Variants in ARL15 observed in about 807,000 individuals in gnomAD.
ARL15 encodes the protein ADP-ribosylation factor-like protein 15.
ARL15 carries 19 observed loss-of-function variants against 25.2 expected under a neutral mutation model. That is an observed-to-expected ratio of 0.75 (90% confidence interval 0.53 to 1.10). ARL15 has a LOEUF of 1.10. Ranked by LOEUF, ARL15 falls within the 50% of genes least tolerant of loss-of-function variation. The probability of loss-of-function intolerance (pLI) is 0.00; values close to 1 mark genes in which losing one functional copy is unlikely to be tolerated. For missense variants in ARL15, 220 were observed against 246.0 expected (o/e 0.89, Z 0.71); for synonymous variants, 94 against 86.8 (o/e 1.08, Z -0.46).
intron 4 of ARL15, among the ~76,000 whole-genome samples, chr5:53,896,266 T>G (rs965144534): frequency 7.2e-5 from 11 of 152,186 alleles, no homozygotes; most frequent in Non-Finnish European, 2.9e-5. Flanking sequence ...ACTCCTGACC[T>G]CAAGTGATCT....
chr5:54,109,592 A>ACC (rs1426593654), intron 4 of ARL15, among the ~76,000 whole-genome samples: 2 of 152,008 alleles, frequency 1.3e-5, no homozygotes, highest in East Asian at 3.8e-4. Flanking sequence ...CTATTAAATA[A>ACC]CTTCAGAACT....
intron 4 of ARL15, among the ~76,000 whole-genome samples, chr5:53,974,392 T>G (rs1253903669): frequency 2.0e-5 from 3 of 152,244 alleles, no homozygotes; most frequent in Non-Finnish European, 4.4e-5. Context: ...TTAAATGTAA[T>G]CTATAAAACA....
At chr5:53,994,930 C>T (rs1469624243) in intron 4 of ARL15, among the ~76,000 whole-genome samples, 1 of 152,158 alleles carries the variant, frequency 6.6e-6, no homozygotes, top group African/African-American at 2.4e-5. Context: ...CCACCTCAGT[C>T]TCCCAAAGTA....
At chr5:53,947,166 G>A (rs1746767109) in intron 4 of ARL15, among the ~76,000 whole-genome samples, 1 of 93,536 alleles carries the variant, frequency 1.1e-5, no homozygotes, top group Non-Finnish European at 2.3e-5. Context: ...AAATAAATAA[G>A]GGTGTGTGTG....
rs1283129601 is a variant in ARL15, at chr5:54,048,659, T to C, written c.462+64543A>G. Reference sequence around the variant, plus strand: ...CTCAAGTGATCTGCCCACCTCAACCTCCCAAAAGTGCTGGGATTACAGGTG... The same window carrying C: ...CTCAAGTGATCTGCCCACCTCAACCCCCCAAAAGTGCTGGGATTACAGGTG... On this transcript the variant is annotated intron_variant, in intron 4 of 4. Transcript: ENST00000504924. 2.0e-5 allele frequency among the ~76,000 whole-genome samples: 3 copies of C among 151,766 alleles called. No homozygotes were observed. The East Asian group carries it at 5.8e-4, about 29-fold the overall frequency.
At chr5:54,149,926 T>TA (rs1754015325) in intron 3 of ARL15, among the ~76,000 whole-genome samples, 1 of 152,148 alleles carries the variant, frequency 6.6e-6, no homozygotes, top group South Asian at 2.1e-4. Context: ...CACGAAGTAA[T>TA]ACTATAAAAT....
chr5:54,205,929 A>G (rs1200266530), intron 1 of ARL15, among the ~76,000 whole-genome samples: 4 of 152,198 alleles, frequency 2.6e-5, no homozygotes, highest in African/African-American at 9.6e-5. Context: ...CTTAAAAAGT[A>G]TCTAGTGGAA....
intron 1 of ARL15, among the ~76,000 whole-genome samples, chr5:54,189,494 A>C (rs965506870): frequency 6.6e-6 from 1 of 152,202 alleles, no homozygotes; most frequent in African/African-American, 2.4e-5. Flanking sequence ...AAACCTTTGC[A>C]TATGTGGTCA....
intron 4 of ARL15, among the ~76,000 whole-genome samples, chr5:53,993,459 T>C (rs891181082): frequency 1.3e-5 from 2 of 152,136 alleles, no homozygotes; most frequent in Non-Finnish European, 2.9e-5. Flanking sequence ...AAAGAAGGAA[T>C]GATGAAGATA....
Position 53,910,633 on chromosome 5 carries a change from T to TTATATATATATATATA in ARL15, c.463-23936_463-23921dup, listed in dbSNP as rs70986649. Among the ~76,000 whole-genome samples the TTATATATATATATATA allele has an allele frequency of 2.6e-3, 145 of 54,910 alleles. 2 individuals carry two copies. Among genetic ancestry groups the TTATATATATATATATA allele is most frequent in the Middle Eastern group, 0.013 (1 of 80 alleles). The allele number at this position is 54,910 out of a possible 152,430, so 36.0% of individuals were successfully genotyped here. A position where few individuals can be genotyped will look rare whatever the true frequency, so the allele number is the denominator to read the frequency against. On this transcript the variant is annotated intron_variant, in intron 4 of 4. Coordinates refer to ENST00000504924, the MANE Select transcript of ARL15 (RefSeq NM_019087.3). ...GAACTTAAAGTATAATAAAAAAAAA[T>TTATATATATATATATA]TATATATATATATATATATATATAT...
At chr5:53,931,727 A>C (rs988348547) in intron 4 of ARL15, among the ~76,000 whole-genome samples, 5 of 152,214 alleles carry the variant, frequency 3.3e-5, no homozygotes, top group East Asian at 3.8e-4. Context: ...TACCCAACTA[A>C]AACCAAACAC....
intron 3 of ARL15, among the ~76,000 whole-genome samples, chr5:54,114,610 T>C (rs534660263): frequency 6.6e-6 from 1 of 152,102 alleles, no homozygotes; most frequent in East Asian, 1.9e-4. Context: ...ACTCTAGAGA[T>C]GATTTAGTCC....
chr5:53,979,526 T>C (rs933145743), intron 4 of ARL15, among the ~76,000 whole-genome samples: 12 of 152,050 alleles, frequency 7.9e-5, no homozygotes, highest in African/African-American at 2.9e-4. Flanking sequence ...GGCAACAGAA[T>C]AAGACCTTGT....
At chr5:54,010,719 T>A (rs12186486) in intron 4 of ARL15, among the ~76,000 whole-genome samples, 29,937 of 151,910 alleles carry the variant, frequency 0.2, 3,363 homozygotes, top group East Asian at 0.45. Context: ...AAAAAAATTT[T>A]AAAAAAATCA....
chr5:54,215,065 C>A (rs748098250), intron 1 of ARL15, among the ~76,000 whole-genome samples: 1 of 152,048 alleles, frequency 6.6e-6, no homozygotes, highest in Non-Finnish European at 1.5e-5. Context: ...CAGAGCAGAA[C>A]ATCCTTCTTA....
chr5:53,996,207 T>G (rs1357311348), intron 4 of ARL15, among the ~76,000 whole-genome samples: 3 of 152,162 alleles, frequency 2.0e-5, no homozygotes, highest in East Asian at 3.9e-4. Flanking sequence ...GCAAGGGAAA[T>G]CAGATTGCAG....
chr5:53,952,204 G>A (rs968324925), intron 4 of ARL15, among the ~76,000 whole-genome samples: 1 of 152,138 alleles, frequency 6.6e-6, no homozygotes, highest in African/African-American at 2.4e-5. Flanking sequence ...AGAGGTTGGA[G>A]TGAGTTGAGA....
chr5:53,948,869 C>T (rs923954281), intron 4 of ARL15, among the ~76,000 whole-genome samples: 5 of 152,154 alleles, frequency 3.3e-5, no homozygotes, highest in African/African-American at 1.2e-4. Flanking sequence ...AGACATGCTA[C>T]TGAAACATAA....
chr5:54,308,603 C>T (rs541451138), intron 1 of ARL15, among the ~76,000 whole-genome samples: 1 of 152,276 alleles, frequency 6.6e-6, no homozygotes, highest in South Asian at 2.1e-4. Context: ...TGACACAAAG[C>T]TGTTAGTAAA....
Sources: gnomAD v4.1 joint callset for allele counts (sites outside exome capture counted in the v4.1 genomes callset) on GRCh38, gnomAD v4.1.1 for gene constraint, MANE v1.5 for transcripts, NCBI Gene and HGNC (gene_info 2026-07-23, HGNC 2026-07-21) for gene names.